The following SEC14L4 variants were observed in gnomAD, a reference collection of about 807,000 sequenced individuals.
The protein encoded by SEC14L4 is SEC14-like protein 4.
SEC14L4 carries 42 observed loss-of-function variants against 55.1 expected under a neutral mutation model. The ratio of observed to expected loss-of-function variants is 0.76; its 90% CI spans 0.60 to 0.99. SEC14L4 has a LOEUF of 0.99. SEC14L4 is among the 50% of genes least tolerant of loss of function. The probability of loss-of-function intolerance (pLI) is 0.00; values close to 1 mark genes in which losing one functional copy is unlikely to be tolerated. For synonymous variants in SEC14L4, 206 were observed against 206.8 expected, an observed-to-expected ratio of 1.00 and a Z score of 0.03; for missense variants, 445 against 512.1, an observed-to-expected ratio of 0.87 and a Z score of 1.27.
At position 30,494,613 on chromosome 22, in the gene SEC14L4, A is replaced by T. The variant is rs548891637; in HGVS notation, c.519+253T>A. 9.2e-5 allele frequency among the ~76,000 whole-genome samples: 14 copies of T among 152,208 alleles called. 1 individual carries two copies. The South Asian group carries it at 2.7e-3, about 29-fold the overall frequency. ...GCTGATCCTGAACTCCTGCTCAAGG[A>T]ATCTTCCCACCTTGGCTTCCCAAAG... is the stretch of plus-strand genomic sequence containing the variant. On this transcript the variant is annotated intron_variant, in intron 6 of 11. Transcript: ENST00000255858.
chr22:30,492,704 C>T, intron 7 of SEC14L4, 147 bp from the exon 8 acceptor site: 1 of 650,326 alleles, frequency 1.5e-6, no homozygotes, highest in Non-Finnish European at 2.8e-6. Context: ...GTTACCCACC[C>T]TCTCCAAGTC....
At chr22:30,497,185 A>G (rs996251191) in intron 2 of SEC14L4, among the ~76,000 whole-genome samples, 1 of 152,170 alleles carries the variant, frequency 6.6e-6, no homozygotes, top group Non-Finnish European at 1.5e-5. Context: ...CTAAAAATAC[A>G]AAAATCAGCT....
intron 5 of SEC14L4, 107 bp downstream of exon 5, chr22:30,495,146 AC>A (rs1261722383): frequency 8.5e-7 from 1 of 1,179,830 alleles, no homozygotes; most frequent in Non-Finnish European, 1.2e-6. Flanking sequence ...CCCACATTCC[AC>A]CAGAGCCCTG....
At chr22:30,492,598 G>C (rs1936002074) in intron 7 of SEC14L4, 41 bp from the exon 8 acceptor site, 2 of 1,510,420 alleles carry the variant, frequency 1.3e-6, no homozygotes, top group African/African-American at 2.7e-5. Context: ...GGACCAGAAA[G>C]GACGTGGGGA....
chr22:30,491,087 C>G (rs968962547), intron 11 of SEC14L4, among the ~76,000 whole-genome samples: 1 of 152,246 alleles, frequency 6.6e-6, no homozygotes, highest in African/African-American at 2.4e-5. Flanking sequence ...TTCCCCTTCT[C>G]CTAGCTCTGT....
chr22:30,494,255 T>G (rs1235590525), intron 6 of SEC14L4, 45 bp from the exon 7 acceptor site: 1 of 1,501,932 alleles, frequency 6.7e-7, no homozygotes, highest in Admixed American at 1.7e-5. Flanking sequence ...TTCCATCACC[T>G]CCCGCCCATG....
At position 30,489,760 on chromosome 22, in the gene SEC14L4, A is replaced by G; in HGVS notation, c.*347T>C. 9.1e-7 allele frequency: 1 copy of G among 1,096,644 alleles called. No individual in the cohort carries two copies. The highest frequency in any genetic ancestry group is 1.3e-5 in the South Asian group (1 of 74,626). The allele number at this position is 1,096,644 out of a possible 1,614,324, so 67.9% of individuals were successfully genotyped here. A position where few individuals can be genotyped will look rare whatever the true frequency, so the allele number is the denominator to read the frequency against. On this transcript the variant is annotated 3_prime_UTR_variant, in exon 12 of 12. Coordinates refer to ENST00000255858, the MANE Select transcript of SEC14L4 (RefSeq NM_174977.4). Reference sequence around the variant, plus strand: ...ACCCCCTGAAGCTGGAACACCAGGCATGGGTGAGTCCTGGGTGGCTGGATC... The same window carrying G: ...ACCCCCTGAAGCTGGAACACCAGGCGTGGGTGAGTCCTGGGTGGCTGGATC...
In SEC14L4 at chr22:30,490,238, G is replaced by T. The variant is rs371346075; in HGVS notation, c.1090C>A (p.Arg364Ser). The T allele has an allele frequency of 6.2e-7, 1 of 1,613,344 alleles. No individual in the cohort carries two copies. The highest frequency in any genetic ancestry group is 1.7e-5 in the Admixed American group (1 of 60,022). ...ATCCGGCTGTAGGTGTTGTCGAAGC[G>T]CAGGACATCTGCAGTGATGGAGAGG... is the stretch of plus-strand genomic sequence containing the variant. ...TCLQAGVYVLRFDNTYSRMHA... is the reference protein window; with the variant it reads ...TCLQAGVYVLSFDNTYSRMHA... The change falls in exon 12 of 12, where the codon CGC becomes AGC. Residue 364 changes from arginine to serine, a missense_variant. Arg to Ser is a moderately radical substitution (Grantham distance 110). Coordinates refer to ENST00000255858, the MANE Select transcript of SEC14L4 (RefSeq NM_174977.4).
Position 30,491,923 on chromosome 22 carries a change from C to T in SEC14L4, c.822G>A (p.Val274=), listed in dbSNP as rs1311357515. 3 of 1,613,962 alleles carry T rather than the reference C, an allele frequency of 1.9e-6. No individual in the cohort carries two copies. The highest frequency in any genetic ancestry group is 2.5e-6 in the Non-Finnish European group (3 of 1,180,012). ...VPKSYYLCEQ[V]RLQYEHTRSV... Reference sequence around the variant, plus strand: ...ACCTCGTGTGCTCATACTGCAGCCTCACCTGCTCGCACAGGTAGTAGCTCT... The same window carrying T: ...ACCTCGTGTGCTCATACTGCAGCCTTACCTGCTCGCACAGGTAGTAGCTCT... The change falls in exon 10 of 12, where the codon GTG becomes GTA. Residue 274 remains valine (V), a synonymous_variant. Coordinates refer to ENST00000255858, the MANE Select transcript of SEC14L4 (RefSeq NM_174977.4).
At position 30,500,162 on chromosome 22, in the gene SEC14L4, G is replaced by A. The variant is rs1342914142; in HGVS notation, c.130+3515C>T. Among the ~76,000 whole-genome samples, 3 of 152,086 alleles carry A rather than the reference G, an allele frequency of 2.0e-5. 1 individual carries two copies. The highest frequency in any genetic ancestry group is 7.2e-5 in the African/African-American group (3 of 41,392). ...TGGGATTACAGACATGAGCCACCGCGCCCGGCCAACTGGTATTAAAACTCT... is the reference window on the plus strand; with the variant it reads ...TGGGATTACAGACATGAGCCACCGCACCCGGCCAACTGGTATTAAAACTCT... On this transcript the variant is annotated intron_variant, in intron 2 of 11. Coordinates refer to ENST00000255858, the MANE Select transcript of SEC14L4 (RefSeq NM_174977.4).
intron 6 of SEC14L4, 72 bp downstream of exon 6, chr22:30,494,794 A>C (rs1443580530): frequency 2.0e-6 from 2 of 1,001,116 alleles, no homozygotes; most frequent in Non-Finnish European, 3.2e-6. Flanking sequence ...GGATTCTCAC[A>C]TCAATTCACA....
At chr22:30,503,097 T>C (rs1936380853) in intron 2 of SEC14L4, among the ~76,000 whole-genome samples, 1 of 152,214 alleles carries the variant, frequency 6.6e-6, no homozygotes, top group Non-Finnish European at 1.5e-5. Flanking sequence ...GAGGATGTCC[T>C]GGCTGTTAAC....
chr22:30,490,959 C>A (rs540329292), intron 11 of SEC14L4, among the ~76,000 whole-genome samples: 2 of 152,188 alleles, frequency 1.3e-5, no homozygotes, highest in Admixed American at 6.5e-5. Flanking sequence ...TGTGATGAGT[C>A]GTGCAGACTT....
chr22:30,491,638 C>T lies in SEC14L4; in HGVS notation c.1016G>A (p.Ser339Asn). Residue 339 changes from serine (S) to asparagine (N), a missense_variant, in exon 11 of 12, where the codon AGC becomes AAC. Coordinates refer to ENST00000255858, the MANE Select transcript of SEC14L4 (RefSeq NM_174977.4). The part of the protein sequence containing the change: ...SAREMTEVLP[S>N]QRYNAHMVPE... ...CACCATGTGGGCATTGTAGCGCTGG[C>T]TGGGCAGCACCTCCGTCATCTCCCT... 6.2e-7 allele frequency: 1 copy of T among 1,614,198 alleles called. No homozygotes were observed. The highest frequency in any genetic ancestry group is 1.1e-5 in the South Asian group (1 of 91,084).
chr22:30,491,768 G>C (rs571834829), intron 10 of SEC14L4, 26 bp from the exon 11 acceptor site: 1 of 1,612,806 alleles, frequency 6.2e-7, no homozygotes. Context: ...CCCCATTGGC[G>C]ACCCCCTGCC....
At chr22:30,500,027 G>A (rs1300747992) in intron 2 of SEC14L4, among the ~76,000 whole-genome samples, 1 of 151,818 alleles carries the variant, frequency 6.6e-6, no homozygotes, top group East Asian at 1.9e-4. Flanking sequence ...CCACCACCAT[G>A]CCTGGCTAAT....
At chr22:30,493,526 C>G (rs1474052949) in intron 7 of SEC14L4, among the ~76,000 whole-genome samples, 1 of 152,200 alleles carries the variant, frequency 6.6e-6, no homozygotes, top group Non-Finnish European at 1.5e-5. Context: ...CAGCCAGGGA[C>G]CATTCCCGCT....
At chr22:30,495,502 T>A in intron 4 of SEC14L4, 60 bp from the exon 5 acceptor site, 2 of 1,607,578 alleles carry the variant, frequency 1.2e-6, no homozygotes, top group African/African-American at 1.3e-5. Flanking sequence ...CCCTACTCCA[T>A]CAGGTGGCTG....
chr22:30,495,706 T>A (rs774309471), intron 3 of SEC14L4, 64 bp from the exon 4 acceptor site: 2 of 1,612,242 alleles, frequency 1.2e-6, no homozygotes, highest in East Asian at 4.5e-5. Flanking sequence ...GCTAGGTCCC[T>A]CTGCCCACAG....
Sources: gnomAD v4.1 joint callset for allele counts (sites outside exome capture counted in the v4.1 genomes callset) on GRCh38, gnomAD v4.1.1 for gene constraint, MANE v1.5 for transcripts, NCBI Gene and HGNC (gene_info 2026-07-23, HGNC 2026-07-21) for gene names.